The following GUCY1A2 variants were observed in gnomAD, a reference collection of about 807,000 sequenced individuals.
GUCY1A2 encodes the protein guanylate cyclase soluble subunit alpha-2.
Under a neutral mutation model 63.5 loss-of-function variants are expected in GUCY1A2, and 27 were observed. The observed-to-expected ratio is 0.43, with a 90% CI of 0.31 to 0.59. The LOEUF is 0.59. Ranked by LOEUF, GUCY1A2 falls within the 20% of genes least tolerant of loss-of-function variation. The pLI, the probability that GUCY1A2 is intolerant of heterozygous loss-of-function variation, is 0.11. For synonymous variants in GUCY1A2, 364 were observed against 343.5 expected, an observed-to-expected ratio of 1.06 and a Z score of -0.66; for missense variants, 768 against 913.3, an observed-to-expected ratio of 0.84 and a Z score of 2.05.
At chr11:106,900,120 T>C (rs991795651) in intron 4 of GUCY1A2, among the ~76,000 whole-genome samples, 19 of 151,872 alleles carry the variant, frequency 1.3e-4, no homozygotes, top group African/African-American at 4.6e-4. Context: ...ATAATATATG[T>C]AGCCAATCAA....
Position 106,675,408 on chromosome 11 carries a change from G to A in GUCY1A2, c.*12141C>T. The A allele has an allele frequency of 5.0e-6, 1 of 199,200 alleles. No individual in the cohort carries two copies. Among genetic ancestry groups the A allele is most frequent in the Non-Finnish European group, 1.0e-5 (1 of 96,534 alleles). The allele number at this position is 199,200 out of a possible 1,614,324, so 12.3% of individuals were successfully genotyped here. On this transcript the variant is annotated 3_prime_UTR_variant, in exon 8 of 8. Transcript: ENST00000526355. ...CATAGTCAAAACCTGCCATGATGAT[G>A]TGAATTCATTTCCGCATAGTCGGAA...
Position 107,014,530 on chromosome 11 carries a change from T to G in GUCY1A2, c.303+3223A>C, listed in dbSNP as rs941653374. Among the ~76,000 whole-genome samples the G allele has an allele frequency of 3.3e-5, 5 of 152,204 alleles. No homozygotes were observed. In the East Asian group the frequency reaches 9.6e-4, roughly 29 times the overall value. ...TCAGGTCTCCCGAATTCTGGAATTT[T>G]TTTTCAATTTCACCAATACAACTTA... On this transcript the variant is annotated intron_variant, in intron 1 of 7. Coordinates refer to ENST00000526355, the MANE Select transcript of GUCY1A2 (RefSeq NM_000855.3).
At chr11:106,689,268 A>G (rs1862580438) in intron 7 of GUCY1A2, among the ~76,000 whole-genome samples, 2 of 152,196 alleles carry the variant, frequency 1.3e-5, no homozygotes, top group Non-Finnish European at 2.9e-5. Context: ...AACAGTCTAT[A>G]TTTAATTTTA....
chr11:106,726,057 G>A (rs972645790), intron 6 of GUCY1A2, among the ~76,000 whole-genome samples: 3 of 152,140 alleles, frequency 2.0e-5, no homozygotes, highest in African/African-American at 4.8e-5. Context: ...AAGAGTATAA[G>A]ATTGACTAAG....
intron 1 of GUCY1A2, among the ~76,000 whole-genome samples, chr11:106,993,673 A>G (rs1187906618): frequency 6.6e-6 from 1 of 152,220 alleles, no homozygotes; most frequent in Non-Finnish European, 1.5e-5. Context: ...CTCGGGGGAA[A>G]AAAAAGCCTC....
intron 3 of GUCY1A2, among the ~76,000 whole-genome samples, chr11:106,956,886 C>A (rs886961127): frequency 6.6e-6 from 1 of 152,204 alleles, no homozygotes; most frequent in African/African-American, 2.4e-5. Flanking sequence ...CAAGAGGAGA[C>A]AGCAAGTCTG....
intron 4 of GUCY1A2, among the ~76,000 whole-genome samples, chr11:106,933,503 T>C (rs1182345976): frequency 6.6e-6 from 1 of 152,182 alleles, no homozygotes; most frequent in Non-Finnish European, 1.5e-5. Context: ...GGTGGGACTA[T>C]AAATTAGTTC....
At chr11:106,728,796 T>C (rs543322913) in intron 6 of GUCY1A2, among the ~76,000 whole-genome samples, 3 of 152,208 alleles carry the variant, frequency 2.0e-5, no homozygotes, top group Non-Finnish European at 4.4e-5. Flanking sequence ...GAGGAGGGAC[T>C]ATCTCTATTT....
chr11:106,783,950 C>A (rs1218314651), intron 5 of GUCY1A2, among the ~76,000 whole-genome samples: 12 of 152,126 alleles, frequency 7.9e-5, no homozygotes, highest in Admixed American at 7.9e-4. Context: ...TGGAGGAAGC[C>A]CCTGTTAGCC....
chr11:106,743,494 G>T (rs1863732993), intron 6 of GUCY1A2, among the ~76,000 whole-genome samples: 1 of 152,122 alleles, frequency 6.6e-6, no homozygotes, highest in African/African-American at 2.4e-5. Flanking sequence ...AATGTCACAA[G>T]TGCACTGATG....
chr11:106,978,739 A>T lies in GUCY1A2; in HGVS notation c.367T>A (p.Tyr123Asn). Residue 123 changes from tyrosine to asparagine, a missense_variant and splice_region_variant, in exon 3 of 8, where the codon TAC (tyrosine) becomes AAC (asparagine). By Grantham distance (143) the Tyr-to-Asn change is moderately radical. Around this residue, in one of 3 missense-constraint regions of GUCY1A2, gnomAD observed 496 missense variants for 486.9 expected, o/e 1.02. Coordinates refer to ENST00000526355, the MANE Select transcript of GUCY1A2 (RefSeq NM_000855.3). The stretch of plus-strand genomic sequence containing the variant: ...TGGAAATTCTTTTCTGCATCCCTGT[A>T]ACTAAGAAGAAAACAAAATTAGCAT... ...LQYYEHQVIG[Y>N]RDAEKNFHNI... is the part of the protein sequence containing the mutation. The T allele has an allele frequency of 1.9e-6, 3 of 1,590,270 alleles. No homozygotes were observed. Among genetic ancestry groups the T allele is most frequent in the Non-Finnish European group, 2.6e-6 (3 of 1,171,156 alleles).
chr11:106,725,157 T>TGGCTAAAA (rs1565270054), intron 6 of GUCY1A2, among the ~76,000 whole-genome samples: 8 of 21,934 alleles, frequency 3.6e-4, no homozygotes, highest in South Asian at 1.9e-3. Context: ...AAATTCTTTT[T>TGGCTAAAA]TTTTTTTTTT....
chr11:106,739,243 G>A (rs895424177), intron 6 of GUCY1A2, among the ~76,000 whole-genome samples: 9 of 152,082 alleles, frequency 5.9e-5, no homozygotes, highest in Admixed American at 5.2e-4. Flanking sequence ...CATTGATTTT[G>A]TATCTTGAGA....
At chr11:106,951,765 A>T (rs1299604184) in intron 3 of GUCY1A2, among the ~76,000 whole-genome samples, 1 of 151,832 alleles carries the variant, frequency 6.6e-6, no homozygotes, top group Non-Finnish European at 1.5e-5. Context: ...TCAATTTTGG[A>T]TTTTGTCGCA....
chr11:106,784,078 C>T (rs908580176), intron 5 of GUCY1A2, among the ~76,000 whole-genome samples: 1 of 152,120 alleles, frequency 6.6e-6, no homozygotes, highest in Non-Finnish European at 1.5e-5. Flanking sequence ...CCTCTCTTCT[C>T]TACATGGATA....
intron 4 of GUCY1A2, among the ~76,000 whole-genome samples, chr11:106,888,360 G>A (rs1187843269): frequency 1.3e-5 from 2 of 151,916 alleles, no homozygotes; most frequent in African/African-American, 4.8e-5. Context: ...AGCTACTCAG[G>A]AGGCTGAGGC....
At chr11:106,966,182 AC>A (rs1346479063) in intron 3 of GUCY1A2, among the ~76,000 whole-genome samples, 3 of 152,050 alleles carry the variant, frequency 2.0e-5, no homozygotes, top group African/African-American at 7.3e-5. Context: ...ATGTCGGCTC[AC>A]TACAACCTCT....
chr11:106,689,981 G>A (rs1388647400), intron 7 of GUCY1A2, among the ~76,000 whole-genome samples: 5 of 146,668 alleles, frequency 3.4e-5, no homozygotes, highest in Non-Finnish European at 6.0e-5. Context: ...GTGACAGAGC[G>A]AGACTCAGTC....
chr11:106,732,221 C>G (rs1411179368), intron 6 of GUCY1A2, among the ~76,000 whole-genome samples: 1 of 151,948 alleles, frequency 6.6e-6, no homozygotes, highest in Non-Finnish European at 1.5e-5. Context: ...GAAATCAGGC[C>G]GCAAACCTAC....
Sources: gnomAD v4.1 joint callset for allele counts (sites outside exome capture counted in the v4.1 genomes callset) on GRCh38, gnomAD v4.1.1 for gene constraint, gnomAD v4.1.1 regional missense constraint, MANE v1.5 for transcripts, NCBI Gene and HGNC (gene_info 2026-07-23, HGNC 2026-07-21) for gene names.